The following EFCAB5 variants were observed in gnomAD, a reference collection of about 807,000 sequenced individuals.
EFCAB5 encodes EF-hand calcium binding domain 5.
Under a neutral mutation model 167.9 loss-of-function variants are expected in EFCAB5, and 131 were observed. The ratio of observed to expected loss-of-function variants is 0.78; its 90% CI spans 0.68 to 0.90. The LOEUF is 0.90. EFCAB5 is among the 40% of genes least tolerant of loss of function. The pLI, the probability that EFCAB5 is intolerant of heterozygous loss-of-function variation, is 0.00. For missense variants in EFCAB5, 1,663 were observed against 1,745.2 expected (o/e 0.95, Z 0.84); for synonymous variants, 574 against 602.8 (o/e 0.95, Z 0.70).
rs149528911 is a variant in EFCAB5, at chr17:29,988,031, A to G, written c.768-5134A>G. Among the ~76,000 whole-genome samples the G allele has an allele frequency of 1.2e-3, 184 of 152,326 alleles. 1 individual carries two copies. The highest frequency in any genetic ancestry group is 2.0e-3 in the Non-Finnish European group (133 of 68,026). ...AAGATGAGGAATGCACCATTTGGCA[A>G]GTTGGGCATCGCTGGATAATGGCTT... On this transcript the variant is annotated intron_variant, in intron 4 of 22. Coordinates refer to ENST00000394835, the MANE Select transcript of EFCAB5 (RefSeq NM_198529.4).
chr17:29,963,470 T>A (rs1403733584), intron 3 of EFCAB5, among the ~76,000 whole-genome samples: 1 of 152,198 alleles, frequency 6.6e-6, no homozygotes, highest in African/African-American at 2.4e-5. Context: ...TTGTTGAGGA[T>A]TTTTGCATCT....
Position 30,053,840 on chromosome 17 carries a change from G to C in EFCAB5, c.1886G>C (p.Arg629Pro). The change falls in exon 10 of 23, where the codon CGC becomes CCC. Residue 629 changes from arginine (R) to proline (P), a missense_variant. Coordinates refer to ENST00000394835, the MANE Select transcript of EFCAB5 (RefSeq NM_198529.4). Reference protein sequence around the residue: ...HKGSVAEQGSRRMSAAEQGSL... With the variant: ...HKGSVAEQGSPRMSAAEQGSL... ...GGGTCAGTAGCAGAACAAGGATCACGCAGAATGTCAGCTGCAGAACAGGGA... is the reference window on the plus strand; with the variant it reads ...GGGTCAGTAGCAGAACAAGGATCACCCAGAATGTCAGCTGCAGAACAGGGA... 2.5e-6 allele frequency: 4 copies of C among 1,613,972 alleles called. No homozygotes were observed. The highest frequency in any genetic ancestry group is 2.2e-5 in the East Asian group (1 of 44,880).
chr17:30,012,657 T>C (rs2068933496), intron 7 of EFCAB5, among the ~76,000 whole-genome samples: 1 of 152,124 alleles, frequency 6.6e-6, no homozygotes, highest in Admixed American at 6.6e-5. Context: ...CGCGACTTGG[T>C]GGTAGTGGTC....
intron 20 of EFCAB5, among the ~76,000 whole-genome samples, chr17:30,091,306 G>A (rs933696007): frequency 1.3e-5 from 2 of 152,184 alleles, no homozygotes; most frequent in Non-Finnish European, 2.9e-5. Flanking sequence ...AGAGAGGGAG[G>A]GAGGAAGAAG....
At chr17:29,930,195 G>A (rs2067164833) in intron 1 of EFCAB5, 2 of 571,710 alleles carry the variant, frequency 3.5e-6, no homozygotes, top group Non-Finnish European at 6.1e-6. Flanking sequence ...CGAACGGGCG[G>A]CGGGCGGGCG....
intron 8 of EFCAB5, among the ~76,000 whole-genome samples, chr17:30,041,285 G>A (rs2069766954): frequency 6.6e-6 from 1 of 151,992 alleles, no homozygotes; most frequent in East Asian, 1.9e-4. Flanking sequence ...CATGGGAGGA[G>A]GTCAAAATAT....
chr17:30,022,513 G>A (rs2069205598), intron 7 of EFCAB5, among the ~76,000 whole-genome samples: 1 of 152,138 alleles, frequency 6.6e-6, no homozygotes, highest in Non-Finnish European at 1.5e-5. Flanking sequence ...TATATTCATT[G>A]CTGCTGAGGG....
intron 3 of EFCAB5, among the ~76,000 whole-genome samples, chr17:29,959,399 A>G (rs1356213480): frequency 6.6e-6 from 1 of 151,772 alleles, no homozygotes; most frequent in Non-Finnish European, 1.5e-5. Context: ...TTTTTCTTCA[A>G]GCAGAAGGAG....
rs1555550720 is a variant in EFCAB5 at position 29,970,671 on chromosome 17, C to CAT, written c.767+1305_767+1306insTA. ...ACACACACACACACACACACACATA[C>CAT]ACACACACACACACACACACACCAG... is the stretch of plus-strand genomic sequence containing the variant. On this transcript the variant is annotated intron_variant, in intron 4 of 22. Transcript: ENST00000394835. Among the ~76,000 whole-genome samples, 155 of 140,244 alleles carry CAT rather than the reference C, an allele frequency of 1.1e-3. 2 individuals carry two copies. Among genetic ancestry groups the CAT allele is most frequent in the Middle Eastern group, 3.6e-3 (1 of 274 alleles). The allele number at this position is 140,244 out of a possible 152,430, so 92.0% of individuals were successfully genotyped here.
At chr17:30,011,283 T>C (rs1419841600) in intron 7 of EFCAB5, among the ~76,000 whole-genome samples, 27 of 152,234 alleles carry the variant, frequency 1.8e-4, no homozygotes, top group Non-Finnish European at 2.9e-4. Flanking sequence ...GTCTTGGCGA[T>C]GCAGGCTCTG....
chr17:30,075,216 C>T (rs2070845086), intron 14 of EFCAB5, among the ~76,000 whole-genome samples: 1 of 152,126 alleles, frequency 6.6e-6, no homozygotes, highest in East Asian at 1.9e-4. Flanking sequence ...TGTCGCTGTC[C>T]TCTCTTCCAC....
At chr17:30,061,598 C>G (rs1002684813) in intron 14 of EFCAB5, among the ~76,000 whole-genome samples, 1 of 152,020 alleles carries the variant, frequency 6.6e-6, no homozygotes, top group Non-Finnish European at 1.5e-5. Context: ...TTTTTAGAGA[C>G]AAGGTCTCAC....
intron 3 of EFCAB5, among the ~76,000 whole-genome samples, chr17:29,944,630 T>C (rs534707606): frequency 6.6e-6 from 1 of 150,786 alleles, no homozygotes; most frequent in African/African-American, 2.4e-5. Context: ...TTGTTTTGTT[T>C]TTTTTTTTTT....
chr17:29,955,916 A>G (rs765004518), intron 3 of EFCAB5, among the ~76,000 whole-genome samples: 1 of 152,242 alleles, frequency 6.6e-6, no homozygotes, highest in African/African-American at 2.4e-5. Flanking sequence ...AGTTCAAACT[A>G]TATACAGGGC....
chr17:30,051,430 C>T (rs1455399770), intron 9 of EFCAB5, among the ~76,000 whole-genome samples: 1 of 152,168 alleles, frequency 6.6e-6, no homozygotes, highest in Non-Finnish European at 1.5e-5. Context: ...TTTTTCACCA[C>T]AGTGCAATAC....
At chr17:30,016,526 T>C (rs1310624359) in intron 7 of EFCAB5, among the ~76,000 whole-genome samples, 5 of 152,142 alleles carry the variant, frequency 3.3e-5, no homozygotes, top group Non-Finnish European at 5.9e-5. Flanking sequence ...AATAACTCAT[T>C]ATATGTGTAT....
In EFCAB5 at chr17:30,107,821, T is replaced by C; in HGVS notation, c.4322-13T>C. 2 of 1,512,442 alleles carry C rather than the reference T, an allele frequency of 1.3e-6. No homozygotes were observed. The highest frequency in any genetic ancestry group is 1.8e-6 in the Non-Finnish European group (2 of 1,137,044). The allele number at this position is 1,512,442 out of a possible 1,614,324, so 93.7% of individuals were successfully genotyped here. On this transcript the variant is annotated splice_polypyrimidine_tract_variant and intron_variant, in intron 22 of 22. Coordinates refer to ENST00000394835, the MANE Select transcript of EFCAB5 (RefSeq NM_198529.4). ...CTCTCCACTCTTACTTTTCTTTTTT[T>C]TTCCTGATGCAGATCATTCCCGAAC... is the stretch of plus-strand genomic sequence containing the variant.
At chr17:30,087,038 A>T in intron 18 of EFCAB5, 25 bp from the exon 19 acceptor site, 2 of 1,604,688 alleles carry the variant, frequency 1.2e-6, no homozygotes, top group Non-Finnish European at 1.7e-6. Flanking sequence ...AATTACTCCT[A>T]ATGAAATGCC....
intron 7 of EFCAB5, among the ~76,000 whole-genome samples, chr17:30,002,154 CAATA>C (rs1336819789): frequency 1.3e-5 from 2 of 152,004 alleles, no homozygotes; most frequent in Admixed American, 6.6e-5. Context: ...TTCTCTATGT[CAATA>C]AATATTCTTT....
Sources: gnomAD v4.1 joint callset for allele counts (sites outside exome capture counted in the v4.1 genomes callset) on GRCh38, gnomAD v4.1.1 for gene constraint, MANE v1.5 for transcripts, NCBI Gene and HGNC (gene_info 2026-07-23, HGNC 2026-07-21) for gene names.